CCNJL: variants seen among roughly 807,000 people sequenced by gnomAD.
CCNJL encodes cyclin-J-like protein.
CCNJL carries 33 observed loss-of-function variants against 33.4 expected under a neutral mutation model. The ratio of observed to expected loss-of-function variants is 0.99; its 90% CI spans 0.75 to 1.32. CCNJL has a LOEUF of 1.32. Among genes scored for constraint, CCNJL ranks in the 40% most tolerant of loss-of-function variants. The pLI is 0.00. For synonymous variants in CCNJL, 227 were observed against 220.9 expected, an observed-to-expected ratio of 1.03 and a Z score of -0.24; for missense variants, 512 against 499.7, an observed-to-expected ratio of 1.02 and a Z score of -0.23.
chr5:160,296,053 T>C (rs746130328), intron 2 of CCNJL, among the ~76,000 whole-genome samples: 9 of 152,184 alleles, frequency 5.9e-5, no homozygotes, highest in Non-Finnish European at 1.3e-4. Context: ...TTTTTGTTCA[T>C]CCTGTAGGCA....
At chr5:160,275,596 C>T (rs1225422594) in intron 3 of CCNJL, among the ~76,000 whole-genome samples, 2 of 152,136 alleles carry the variant, frequency 1.3e-5, no homozygotes, top group African/African-American at 4.8e-5. Context: ...GAGTTCCTCC[C>T]ACCTCAGCCT....
At chr5:160,305,141 G>A (rs1763052007) in intron 2 of CCNJL, among the ~76,000 whole-genome samples, 1 of 152,040 alleles carries the variant, frequency 6.6e-6, no homozygotes, top group Non-Finnish European at 1.5e-5. Context: ...AAGGAGACAG[G>A]TGTTCAGCCT....
intron 3 of CCNJL, among the ~76,000 whole-genome samples, chr5:160,261,657 A>T (rs981752794): frequency 2.7e-5 from 4 of 149,758 alleles, no homozygotes; most frequent in African/African-American, 4.9e-5. Context: ...CAAGCACAGG[A>T]TCCAGCCACG....
At chr5:160,285,204 A>G (rs1405318179) in intron 2 of CCNJL, among the ~76,000 whole-genome samples, 1 of 151,974 alleles carries the variant, frequency 6.6e-6, no homozygotes, top group Non-Finnish European at 1.5e-5. Flanking sequence ...TCAATCAATC[A>G]ATCAGTCATG....
chr5:160,293,517 C>T (rs1330532577), intron 2 of CCNJL, among the ~76,000 whole-genome samples: 2 of 152,158 alleles, frequency 1.3e-5, no homozygotes, highest in Admixed American at 1.3e-4. Context: ...ACTAAAGTCT[C>T]CAGCAATTCC....
At chr5:160,315,601 C>G (rs1318640482), upstream of CCNJL, 1 of 75,706 alleles carries the variant, frequency 1.3e-5, no homozygotes, top group Non-Finnish European at 4.4e-5. Flanking sequence ...AGTTAAACTA[C>G]ATTCATGCAC....
At chr5:160,308,380 G>T (rs1561806915) in intron 2 of CCNJL, among the ~76,000 whole-genome samples, 1 of 152,200 alleles carries the variant, frequency 6.6e-6, no homozygotes, top group East Asian at 1.9e-4. Context: ...TGGCACTGAG[G>T]CCCCCGCAAG....
chr5:160,337,666 C>T (rs1763699850), intron 1 of CCNJL, among the ~76,000 whole-genome samples: 1 of 152,080 alleles, frequency 6.6e-6, no homozygotes, highest in South Asian at 2.1e-4. Flanking sequence ...CTCCTTCCAA[C>T]AAAATGTTGC....
At chr5:160,310,900 T>C (rs1335250804) in intron 2 of CCNJL, among the ~76,000 whole-genome samples, 1 of 152,200 alleles carries the variant, frequency 6.6e-6, no homozygotes, top group Non-Finnish European at 1.5e-5. Context: ...TTGAGAGTCA[T>C]GGCCCTGCTA....
At chr5:160,329,600 T>G (rs1002361348) in intron 1 of CCNJL, among the ~76,000 whole-genome samples, 11 of 152,120 alleles carry the variant, frequency 7.2e-5, no homozygotes, top group African/African-American at 2.7e-4. Context: ...CCACCCACCT[T>G]GGCCTCCCAA....
At chr5:160,258,331 T>G in intron 4 of CCNJL, 1 of 764,548 alleles carries the variant, frequency 1.3e-6, no homozygotes. Flanking sequence ...CGCCACAGGA[T>G]TCAATAAACT....
chr5:160,267,389 TAA>T (rs1333395025), intron 3 of CCNJL, among the ~76,000 whole-genome samples: 1 of 152,224 alleles, frequency 6.6e-6, no homozygotes, highest in East Asian at 1.9e-4. Flanking sequence ...AAGCAGCATT[TAA>T]AAGTCTGTCT....
intron 2 of CCNJL, among the ~76,000 whole-genome samples, chr5:160,296,458 A>G (rs528608457): frequency 6.6e-6 from 1 of 152,300 alleles, no homozygotes; most frequent in East Asian, 1.9e-4. Flanking sequence ...TTTTGACCCT[A>G]TTGTCTACAA....
At chr5:160,285,334 C>T (rs183169024) in intron 2 of CCNJL, among the ~76,000 whole-genome samples, 2 of 151,906 alleles carry the variant, frequency 1.3e-5, no homozygotes, top group East Asian at 3.9e-4. Context: ...TCCTTGAGGG[C>T]AGATCTGGGT....
rs750924245 is a variant in CCNJL at position 160,280,506 on chromosome 5, G to A, written c.280+19C>T. 2 of 1,600,906 alleles carry A rather than the reference G, an allele frequency of 1.2e-6. No homozygotes were observed. The highest frequency in any genetic ancestry group is 1.1e-5 in the South Asian group (1 of 90,810). On this transcript the variant is annotated intron_variant, in intron 3 of 5. Coordinates refer to ENST00000257536, the MANE Select transcript of CCNJL (RefSeq NM_001308173.3). Reference sequence around the variant, plus strand: ...AGGAGACCGCACAAGCGCGGAGGAAGACGTAGGTTTTCGCTTACTTGCAAG... The same window carrying A: ...AGGAGACCGCACAAGCGCGGAGGAAAACGTAGGTTTTCGCTTACTTGCAAG...
intron 3 of CCNJL, among the ~76,000 whole-genome samples, chr5:160,260,235 T>C (rs368266149): frequency 1.2e-3 from 189 of 152,324 alleles, no homozygotes; most frequent in African/African-American, 4.4e-3. Flanking sequence ...AACCTGGCCC[T>C]GTCCCTCCAC....
intron 2 of CCNJL, among the ~76,000 whole-genome samples, chr5:160,283,101 G>T (rs193105076): frequency 6.8e-6 from 1 of 147,366 alleles, no homozygotes; most frequent in East Asian, 2.0e-4. Context: ...ATTCATAACA[G>T]TTCCCAAGTA....
At chr5:160,327,350 C>A (rs906587569) in intron 1 of CCNJL, among the ~76,000 whole-genome samples, 5 of 152,206 alleles carry the variant, frequency 3.3e-5, no homozygotes, top group Non-Finnish European at 7.3e-5. Context: ...AGCAAAACAG[C>A]CACATTTCCA....
At position 160,311,879 on chromosome 5, in the gene CCNJL, G is replaced by C. The variant is rs780371823; in HGVS notation, c.45C>G (p.Val15=). The C allele has an allele frequency of 6.2e-7, 1 of 1,614,160 alleles. No individual in the cohort carries two copies. The highest frequency in any genetic ancestry group is 1.1e-5 in the South Asian group (1 of 91,084). Reference sequence around the variant, plus strand: ...TGACCTTCTCGCGCAGGGTGCAGTGGACGTCCGAGGCGACGCGCCCTTCCC... The same window carrying C: ...TGACCTTCTCGCGCAGGGTGCAGTGCACGTCCGAGGCGACGCGCCCTTCCC... ...PWWEGRVASD[V]HCTLREKELK... Residue 15 remains valine (V), a synonymous_variant, in exon 2 of 6, where the codon GTC becomes GTG. Coordinates refer to ENST00000257536, the MANE Select transcript of CCNJL (RefSeq NM_001308173.3).
Sources: allele counts gnomAD v4.1 joint callset (sites outside exome capture counted in the v4.1 genomes callset), GRCh38; gene constraint gnomAD v4.1.1; transcripts MANE v1.5; gene names NCBI Gene and HGNC (gene_info 2026-07-23, HGNC 2026-07-21).